Variants in TMEM182 observed in about 807,000 individuals in gnomAD.
TMEM182 encodes the protein transmembrane protein 182.
In TMEM182, 20 loss-of-function variants were observed where a neutral mutation model predicts 26.8. The ratio of observed to expected loss-of-function variants is 0.75; its 90% CI spans 0.53 to 1.09. TMEM182 has a LOEUF of 1.09. Among genes scored for constraint, TMEM182 ranks in the 50% least tolerant of loss-of-function variants. The pLI is 0.00. For synonymous variants in TMEM182, 109 were observed against 102.2 expected (o/e 1.07, Z -0.40); for missense variants, 277 against 275.5 (o/e 1.01, Z -0.04).
chr2:102,805,084 G>A (rs1290461570), intron 4 of TMEM182, among the ~76,000 whole-genome samples: 1 of 152,202 alleles, frequency 6.6e-6, no homozygotes, highest in Non-Finnish European at 1.5e-5. Flanking sequence ...GCCAGCATTA[G>A]TCAGCCTTGC....
At chr2:102,795,848 G>A (rs1043959826) in intron 3 of TMEM182, among the ~76,000 whole-genome samples, 1 of 152,158 alleles carries the variant, frequency 6.6e-6, no homozygotes, top group Non-Finnish European at 1.5e-5. Context: ...CTGTGGCACA[G>A]TTCCATGCAG....
At chr2:102,829,810 T>C (rs13431756) in intron 3 of TMEM182, among the ~76,000 whole-genome samples, 4,586 of 152,234 alleles carry the variant, frequency 0.03, 218 homozygotes, top group African/African-American at 0.1. Context: ...TTTGTGAGGC[T>C]TTCCCTTCTT....
At position 102,815,884 on chromosome 2, in the gene TMEM182, T is replaced by C. The variant is rs566480338; in HGVS notation, c.*916T>C. 5.4e-6 allele frequency: 5 copies of C among 930,988 alleles called. No individual in the cohort carries two copies. In the African/African-American group the frequency reaches 8.9e-5, roughly 17 times the overall value. 57.7% of individuals were successfully genotyped at this position (930,988 alleles called of 1,614,324 possible). ...TTTTAGATATAAACTTTCAACGTAC[T>C]TCCATATGAGGATTATAATAGCCCT... On this transcript the variant is annotated 3_prime_UTR_variant, in exon 5 of 5. Coordinates refer to ENST00000412401, the MANE Select transcript of TMEM182 (RefSeq NM_144632.5).
chr2:102,741,920 CA>C (rs1223470246), intron 1 of TMEM182, among the ~76,000 whole-genome samples: 1 of 152,118 alleles, frequency 6.6e-6, no homozygotes, highest in African/African-American at 2.4e-5. Flanking sequence ...AAACCTCATA[CA>C]AAAAGCCTGG....
In TMEM182 at chr2:102,817,658, A is replaced by G. The variant is rs1353979554; in HGVS notation, c.*2690A>G. The stretch of plus-strand genomic sequence containing the variant: ...TTAAATTTGAAGATTAAATGGAATT[A>G]TAAAGGAATATATTGGAGGAAGTGT... On this transcript the variant is annotated 3_prime_UTR_variant, in exon 5 of 5. Transcript: ENST00000412401. 19 of 981,108 alleles carry G rather than the reference A, an allele frequency of 1.9e-5. No homozygotes were observed. Among genetic ancestry groups the G allele is most frequent in the Non-Finnish European group, 2.3e-5 (19 of 826,134 alleles). The allele number at this position is 981,108 out of a possible 1,614,324, so 60.8% of individuals were successfully genotyped here. A position where few individuals can be genotyped will look rare whatever the true frequency, so the allele number is the denominator to read the frequency against.
intron 3 of TMEM182, among the ~76,000 whole-genome samples, chr2:102,787,739 T>C (rs1197409821): frequency 6.6e-6 from 1 of 152,210 alleles, no homozygotes; most frequent in African/African-American, 2.4e-5. Context: ...GCCAAGCAAC[T>C]TTTAGAAACA....
At chr2:102,843,603 C>T (rs1683395722) in exon 4 of TMEM182, 1 of 152,186 alleles carries the variant, frequency 6.6e-6, no homozygotes, top group African/African-American at 2.4e-5. Context: ...GTATATAACT[C>T]GTTTTCCCAT....
chr2:102,826,989 T>G (rs1683044088), intron 3 of TMEM182, among the ~76,000 whole-genome samples: 1 of 152,200 alleles, frequency 6.6e-6, no homozygotes. Flanking sequence ...CACAGCAAGA[T>G]AATGAAAAAC....
intron 4 of TMEM182, among the ~76,000 whole-genome samples, chr2:102,810,616 G>A (rs1682520635): frequency 6.6e-6 from 1 of 152,116 alleles, no homozygotes; most frequent in African/African-American, 2.4e-5. Flanking sequence ...GATCCAACAT[G>A]TTCTTGGTGT....
intron 3 of TMEM182, among the ~76,000 whole-genome samples, chr2:102,786,325 C>T (rs1268483540): frequency 6.7e-6 from 1 of 149,948 alleles, no homozygotes; most frequent in Non-Finnish European, 1.5e-5. Context: ...AGTGATTCTC[C>T]TGCCTCAGCC....
chr2:102,840,156 C>T (rs1364189461), intron 3 of TMEM182, among the ~76,000 whole-genome samples: 1 of 152,112 alleles, frequency 6.6e-6, no homozygotes, highest in Non-Finnish European at 1.5e-5. Flanking sequence ...CATTGAAAAC[C>T]CAGGAACTTT....
chr2:102,841,711 T>G (rs976563066), intron 3 of TMEM182, among the ~76,000 whole-genome samples: 1 of 152,220 alleles, frequency 6.6e-6, no homozygotes, highest in Non-Finnish European at 1.5e-5. Flanking sequence ...TAGCTCCATT[T>G]CAAGGTGGCA....
chr2:102,785,133 G>T (rs570712354), intron 3 of TMEM182, among the ~76,000 whole-genome samples: 1 of 152,230 alleles, frequency 6.6e-6, no homozygotes, highest in Admixed American at 6.5e-5. Flanking sequence ...GGACCAGTAT[G>T]ACGTGTTCCT....
intron 3 of TMEM182, among the ~76,000 whole-genome samples, chr2:102,782,754 AT>A (rs1681225141): frequency 1.3e-5 from 2 of 152,182 alleles, no homozygotes. Context: ...AACAAGATCT[AT>A]TTGTTAATTA....
upstream of TMEM182, among the ~76,000 whole-genome samples, chr2:102,759,189 A>T (rs543543352): frequency 7.9e-5 from 12 of 152,312 alleles, no homozygotes; most frequent in African/African-American, 2.9e-4. Flanking sequence ...ATTTAGTATT[A>T]TTGCATGGAA....
chr2:102,760,687 T>C (rs1255534424), upstream of TMEM182, among the ~76,000 whole-genome samples: 4 of 152,168 alleles, frequency 2.6e-5, no homozygotes, highest in Non-Finnish European at 4.4e-5. Flanking sequence ...CGATCTCGGC[T>C]CACTGCAACC....
chr2:102,764,859 TATAA>T (rs1680364749), intron 3 of TMEM182, among the ~76,000 whole-genome samples: 1 of 151,238 alleles, frequency 6.6e-6, no homozygotes, highest in Non-Finnish European at 1.5e-5. Flanking sequence ...ATATATATGA[TATAA>T]ATATGTAATT....
At chr2:102,763,791 T>G (rs1031035593) in intron 2 of TMEM182, among the ~76,000 whole-genome samples, 1 of 152,210 alleles carries the variant, frequency 6.6e-6, no homozygotes, top group Non-Finnish European at 1.5e-5. Context: ...ATATAAAAAT[T>G]TTAAGTTCTC....
At chr2:102,793,229 G>A (rs1186604956) in intron 3 of TMEM182, among the ~76,000 whole-genome samples, 1 of 152,156 alleles carries the variant, frequency 6.6e-6, no homozygotes, top group African/African-American at 2.4e-5. Flanking sequence ...AGGTCACCGT[G>A]CATTGGCTCT....
Sources: gnomAD v4.1 joint callset for allele counts (sites outside exome capture counted in the v4.1 genomes callset) on GRCh38, gnomAD v4.1.1 for gene constraint, MANE v1.5 for transcripts, NCBI Gene and HGNC (gene_info 2026-07-23, HGNC 2026-07-21) for gene names.